Variants in RPS6KC1 observed in about 807,000 individuals in gnomAD.
RPS6KC1 encodes ribosomal protein S6 kinase C1.
A neutral mutation model predicts 103.8 loss-of-function variants in RPS6KC1; 54 were observed. The ratio of observed to expected loss-of-function variants is 0.52; its 90% confidence interval spans 0.42 to 0.65. The LOEUF is 0.65. Among genes scored for constraint, RPS6KC1 ranks in the 30% least tolerant of loss-of-function variants. The pLI is 0.00. For synonymous variants in RPS6KC1, 439 were observed against 438.7 expected, an observed-to-expected ratio of 1.00 and a Z score of -0.01; for missense variants, 1,151 against 1,253.8, an observed-to-expected ratio of 0.92 and a Z score of 1.24.
At chr1:213,175,693 A>T (rs944330172) in intron 7 of RPS6KC1, among the ~76,000 whole-genome samples, 2 of 151,646 alleles carry the variant, frequency 1.3e-5, no homozygotes, top group African/African-American at 2.4e-5. Context: ...GATTTTTTAA[A>T]TCTTTTTTGT....
chr1:213,058,051 C>A (rs970405441), intron 1 of RPS6KC1, among the ~76,000 whole-genome samples: 11 of 143,212 alleles, frequency 7.7e-5, no homozygotes, highest in Admixed American at 1.4e-4. Context: ...TACAGACGTG[C>A]GCCTGACCTT....
At chr1:213,608,576 G>A in the RPS6KC1 span, among the ~76,000 whole-genome samples, 3 of 152,132 alleles carry the variant, frequency 2.0e-5, no homozygotes, top group African/African-American at 2.4e-5. Context: ...ACAAACGACA[G>A]ACATATTTAG....
chr1:213,111,169 T>C (rs1181222972), intron 4 of RPS6KC1, among the ~76,000 whole-genome samples: 11 of 152,146 alleles, frequency 7.2e-5, no homozygotes, highest in Admixed American at 7.2e-4. Context: ...ATGCTTTTAG[T>C]CAATTTCCAG....
the RPS6KC1 span, among the ~76,000 whole-genome samples, chr1:213,778,869 C>G: frequency 4.6e-5 from 7 of 152,158 alleles, no homozygotes; most frequent in South Asian, 1.0e-3. Flanking sequence ...GCCAAAGCAC[C>G]CCCACCAGGC....
the RPS6KC1 span, among the ~76,000 whole-genome samples, chr1:213,419,584 A>G: frequency 0.031 from 4,657 of 152,228 alleles, 250 homozygotes; most frequent in African/African-American, 0.1. Flanking sequence ...TATCTGTGCA[A>G]TTTCCTTCAG....
chr1:213,733,299 G>T, the RPS6KC1 span, among the ~76,000 whole-genome samples: 1 of 151,658 alleles, frequency 6.6e-6, no homozygotes, highest in Non-Finnish European at 1.5e-5. Context: ...CAGTACAGTG[G>T]TGCGAACATG....
chr1:213,434,492 G>T, the RPS6KC1 span, among the ~76,000 whole-genome samples: 1 of 151,914 alleles, frequency 6.6e-6, no homozygotes, highest in African/African-American at 2.4e-5. Flanking sequence ...GTGTCGCTCT[G>T]TCACCCAGGC....
chr1:213,783,402 C>A, the RPS6KC1 span, among the ~76,000 whole-genome samples: 1 of 152,160 alleles, frequency 6.6e-6, no homozygotes, highest in Non-Finnish European at 1.5e-5. Flanking sequence ...ACAAGCCGAA[C>A]CCTCTGCTGG....
chr1:213,560,598 T>C, the RPS6KC1 span, among the ~76,000 whole-genome samples: 1 of 152,178 alleles, frequency 6.6e-6, no homozygotes. Flanking sequence ...AGCCTGGCAA[T>C]ATTTTAATTT....
At chr1:213,522,789 G>A in the RPS6KC1 span, among the ~76,000 whole-genome samples, 5 of 152,156 alleles carry the variant, frequency 3.3e-5, no homozygotes, top group South Asian at 2.1e-4. Context: ...CCTATTTCTG[G>A]ATCAAGACTT....
intron 3 of RPS6KC1, among the ~76,000 whole-genome samples, chr1:213,095,931 G>A (rs1189531937): frequency 6.6e-6 from 1 of 152,226 alleles, no homozygotes; most frequent in Non-Finnish European, 1.5e-5. Flanking sequence ...AGTTGGGGTA[G>A]TTGTGGCAAT....
chr1:213,330,144 A>G, the RPS6KC1 span, among the ~76,000 whole-genome samples: 1 of 152,138 alleles, frequency 6.6e-6, no homozygotes, highest in Admixed American at 6.5e-5. Flanking sequence ...AAAGATTCCC[A>G]TGGGATACAG....
At chr1:213,591,058 C>T in the RPS6KC1 span, among the ~76,000 whole-genome samples, 1 of 152,146 alleles carries the variant, frequency 6.6e-6, no homozygotes, top group East Asian at 1.9e-4. Context: ...GTCTTGCTGG[C>T]TTACCCGATG....
chr1:213,694,641 C>A, the RPS6KC1 span, among the ~76,000 whole-genome samples: 1 of 152,168 alleles, frequency 6.6e-6, no homozygotes. Context: ...TTGCAACACC[C>A]AGTCCCGGTG....
At chr1:213,704,116 G>A in the RPS6KC1 span, among the ~76,000 whole-genome samples, 1,041 of 152,058 alleles carry the variant, frequency 6.8e-3, 9 homozygotes, top group African/African-American at 0.018. Context: ...GGCCGGGCGC[G>A]GTGGCTCACG....
chr1:213,061,173 G>A (rs1245636763), intron 1 of RPS6KC1, among the ~76,000 whole-genome samples: 1 of 152,100 alleles, frequency 6.6e-6, no homozygotes, highest in Admixed American at 6.5e-5. Context: ...CATCACATTG[G>A]GGATGAGAGT....
At chr1:213,217,572 A>G (rs912582340) in intron 8 of RPS6KC1, among the ~76,000 whole-genome samples, 16 of 152,182 alleles carry the variant, frequency 1.1e-4, no homozygotes. Flanking sequence ...ACAACAACAA[A>G]AGAGAATTTT....
the RPS6KC1 span, among the ~76,000 whole-genome samples, chr1:213,754,130 C>T: frequency 6.6e-6 from 1 of 152,198 alleles, no homozygotes; most frequent in Non-Finnish European, 1.5e-5. Context: ...AACAAAACAT[C>T]ATAGACCAGG....
chr1:213,313,257 T>C, the RPS6KC1 span, among the ~76,000 whole-genome samples: 1 of 152,130 alleles, frequency 6.6e-6, no homozygotes, highest in Admixed American at 6.5e-5. Flanking sequence ...TCAAGGCAGA[T>C]AGGTGGCCAC....
Sources: allele counts gnomAD v4.1 joint callset (sites outside exome capture counted in the v4.1 genomes callset), GRCh38; gene constraint gnomAD v4.1.1; transcripts MANE v1.5; gene names NCBI Gene and HGNC (gene_info 2026-07-23, HGNC 2026-07-21).